Variants in ADGRE3 observed in about 807,000 individuals in gnomAD.
ADGRE3 encodes the protein EGF-like module receptor 3.
A neutral mutation model predicts 80.1 loss-of-function variants in ADGRE3; 88 were observed. That is an observed-to-expected ratio of 1.10 (90% CI 0.93 to 1.31). The LOEUF (loss-of-function observed/expected upper bound fraction) is 1.31. ADGRE3 is among the 40% of genes most tolerant of loss of function. The probability of loss-of-function intolerance (pLI) is 0.00; values close to 1 mark genes in which losing one functional copy is unlikely to be tolerated. For missense variants in ADGRE3, 715 were observed against 776.5 expected (o/e 0.92, Z 0.94); for synonymous variants, 281 against 294.8 (o/e 0.95, Z 0.48).
rs1555755846 is a variant in ADGRE3 at position 14,636,149 on chromosome 19, T to TCTTCCTTC, written c.1484+1955_1484+1956insGAAGGAAG. Among the ~76,000 whole-genome samples the TCTTCCTTC allele has an allele frequency of 4.9e-4, 20 of 40,608 alleles. 2 individuals carry two copies. Among genetic ancestry groups the TCTTCCTTC allele is most frequent in the African/African-American group, 1.1e-3 (15 of 13,778 alleles). The allele number at this position is 40,608 out of a possible 152,430, so 26.6% of individuals were successfully genotyped here. ...TTCTTTCTTTCTTTCTTTCTTTCTT[T>TCTTCCTTC]CTTCCTTTCCTCCTTTCCTTTCCTT... On this transcript the variant is annotated intron_variant, in intron 11 of 15. Coordinates refer to ENST00000253673, the MANE Select transcript of ADGRE3 (RefSeq NM_032571.5).
At position 14,632,732 on chromosome 19, in the gene ADGRE3, A is replaced by AT. The variant is rs1970920600; in HGVS notation, c.1643+188dup. Among the ~76,000 whole-genome samples the AT allele has an allele frequency of 6.2e-5, 9 of 146,208 alleles. 1 individual carries two copies. In the South Asian group the frequency reaches 1.3e-3, roughly 21 times the overall value. On this transcript the variant is annotated intron_variant, in intron 13 of 15. Coordinates refer to ENST00000253673, the MANE Select transcript of ADGRE3 (RefSeq NM_032571.5). ...TATTTTATTCTTTTTTTTTTTTGAG[A>AT]TTTTTTCTTTATCACAGCAGCTTAG...
intron 9 of ADGRE3, among the ~76,000 whole-genome samples, chr19:14,643,146 T>G (rs1307503587): frequency 6.8e-5 from 5 of 73,404 alleles, no homozygotes; most frequent in African/African-American, 2.4e-4. Flanking sequence ...TAATCATGGT[T>G]TTTTTTTTTT....
intron 12 of ADGRE3, 51 bp from the exon 13 acceptor site, chr19:14,633,063 T>A (rs763943954): frequency 5.5e-6 from 8 of 1,450,990 alleles, no homozygotes; most frequent in Middle Eastern, 1.7e-4. Flanking sequence ...TAATGTATGG[T>A]GTCCACTTTA....
intron 13 of ADGRE3, among the ~76,000 whole-genome samples, chr19:14,630,930 GC>G (rs1238507266): frequency 1.3e-5 from 2 of 151,888 alleles, no homozygotes; most frequent in Non-Finnish European, 2.9e-5. Context: ...TCGCTCTGTG[GC>G]CCAGGCTGGA....
At position 14,668,856 on chromosome 19, in the gene ADGRE3, G is replaced by T. The variant is rs1373081152; in HGVS notation, c.26-4C>A. On this transcript the variant is annotated splice_region_variant and splice_polypyrimidine_tract_variant and intron_variant, in intron 1 of 15. Coordinates refer to ENST00000253673, the MANE Select transcript of ADGRE3 (RefSeq NM_032571.5). ...AGGCTCAGCAGAAAGCAGAGGCCTGGAATAGATGGGAAACAGAAGGGAGAG... is the reference window on the plus strand; with the variant it reads ...AGGCTCAGCAGAAAGCAGAGGCCTGTAATAGATGGGAAACAGAAGGGAGAG... 13 of 1,613,810 alleles carry T rather than the reference G, an allele frequency of 8.1e-6. No homozygotes were observed. Among genetic ancestry groups the T allele is most frequent in the Non-Finnish European group, 1.0e-5 (12 of 1,179,878 alleles).
chr19:14,613,297 C>G, the ADGRE3 span, among the ~76,000 whole-genome samples: 4 of 152,120 alleles, frequency 2.6e-5, no homozygotes, highest in Non-Finnish European at 5.9e-5. Context: ...TCATAGCTCA[C>G]TGAAGCCTCA....
At chr19:14,601,885 C>T in the ADGRE3 span, among the ~76,000 whole-genome samples, 8 of 151,302 alleles carry the variant, frequency 5.3e-5, no homozygotes, top group East Asian at 2.0e-4. Flanking sequence ...CTCTGACTCC[C>T]GGGTTCACGC....
chr19:14,640,328 T>C (rs768049781), intron 10 of ADGRE3, among the ~76,000 whole-genome samples: 7 of 152,094 alleles, frequency 4.6e-5, no homozygotes, highest in Non-Finnish European at 7.4e-5. Context: ...TTGCTCTTGT[T>C]GCCCAGGCTG....
At chr19:14,672,558 A>T (rs1972284496) in intron 1 of ADGRE3, among the ~76,000 whole-genome samples, 1 of 152,106 alleles carries the variant, frequency 6.6e-6, no homozygotes, top group Non-Finnish European at 1.5e-5. Flanking sequence ...TCACCATCTG[A>T]CTTCCTCCTT....
At chr19:14,654,445 A>G (rs1971696396) in intron 6 of ADGRE3, among the ~76,000 whole-genome samples, 1 of 151,556 alleles carries the variant, frequency 6.6e-6, no homozygotes, top group Non-Finnish European at 1.5e-5. Context: ...AATTTTTTTT[A>G]AAGAGATGGG....
At chr19:14,641,292 C>A (rs146816450) in intron 10 of ADGRE3, 127 bp downstream of exon 10, 3 of 1,159,746 alleles carry the variant, frequency 2.6e-6, no homozygotes, top group Non-Finnish European at 3.7e-6. Flanking sequence ...AGAAGGGTAG[C>A]GGGAAAATTA....
the ADGRE3 span, among the ~76,000 whole-genome samples, chr19:14,605,157 T>A: frequency 1.3e-5 from 2 of 151,342 alleles, no homozygotes; most frequent in African/African-American, 2.4e-5. Flanking sequence ...GAGTGCACTG[T>A]CGCGATCTCA....
the ADGRE3 span, among the ~76,000 whole-genome samples, chr19:14,608,588 T>C: frequency 6.6e-6 from 1 of 151,338 alleles, no homozygotes; most frequent in African/African-American, 2.4e-5. Flanking sequence ...TCCAGGCTAA[T>C]GGTTGGGAGA....
the ADGRE3 span, among the ~76,000 whole-genome samples, chr19:14,608,161 C>T: frequency 4.6e-5 from 7 of 152,276 alleles, no homozygotes; most frequent in Admixed American, 2.6e-4. Flanking sequence ...CTTGAGCCAC[C>T]ACACCTGGCC....
At chr19:14,638,806 C>T (rs543544125) in intron 10 of ADGRE3, among the ~76,000 whole-genome samples, 34 of 152,300 alleles carry the variant, frequency 2.2e-4, no homozygotes, top group Admixed American at 1.3e-3. Flanking sequence ...CCCTCAACCT[C>T]TGAGAACCTC....
intron 15 of ADGRE3, 92 bp downstream of exon 15, chr19:14,625,396 AAAAC>A (rs1172770003): frequency 6.9e-5 from 59 of 853,424 alleles, no homozygotes; most frequent in East Asian, 2.7e-4. Flanking sequence ...AACAAAAACA[AAAAC>A]AAACAAACAA....
At chr19:14,664,900 T>C (rs994462588) in intron 2 of ADGRE3, among the ~76,000 whole-genome samples, 1 of 152,104 alleles carries the variant, frequency 6.6e-6, no homozygotes, top group African/African-American at 2.4e-5. Flanking sequence ...GCTTATTGTA[T>C]ACTTTTCAGA....
chr19:14,641,719 T>C, intron 9 of ADGRE3, 103 bp from the exon 10 acceptor site: 1 of 1,417,994 alleles, frequency 7.1e-7, no homozygotes, highest in Non-Finnish European at 9.7e-7. Context: ...AGCCCAGTGG[T>C]AGTGTGGGAC....
At position 14,633,708 on chromosome 19, in the gene ADGRE3, A is replaced by AAAAATAAAAT. The variant is rs371090073; in HGVS notation, c.1485-416_1485-407dup. On this transcript the variant is annotated intron_variant, in intron 11 of 15. Transcript: ENST00000253673. The stretch of plus-strand genomic sequence containing the variant: ...CGACAGACTGAGACTCCGTCTCAAA[A>AAAAATAAAAT]AAAATAAAATAAAATAAAATAAAAT... Among the ~76,000 whole-genome samples the AAAAATAAAAT allele has an allele frequency of 7.1e-3, 875 of 123,734 alleles. 13 individuals are homozygous for AAAAATAAAAT. The highest frequency in any genetic ancestry group is 0.013 in the South Asian group (53 of 4,082). The allele number at this position is 123,734 out of a possible 152,430, so 81.2% of individuals were successfully genotyped here. A position where few individuals can be genotyped will look rare whatever the true frequency, so the allele number is the denominator to read the frequency against.
Sources: allele counts gnomAD v4.1 joint callset (sites outside exome capture counted in the v4.1 genomes callset), GRCh38; gene constraint gnomAD v4.1.1; transcripts MANE v1.5; gene names NCBI Gene and HGNC (gene_info 2026-07-23, HGNC 2026-07-21).